Variants in RAB1A observed in about 807,000 individuals in gnomAD.
RAB1A encodes ras-related protein Rab-1A.
RAB1A carries 2 observed loss-of-function variants against 26.0 expected under a neutral mutation model. That is an observed-to-expected ratio of 0.08 (90% CI 0.03 to 0.24). RAB1A has a LOEUF of 0.24. Ranked by LOEUF, RAB1A falls within the 10% of genes least tolerant of loss-of-function variation. The pLI is 1.00. For missense variants in RAB1A, 100 were observed against 247.0 expected, an observed-to-expected ratio of 0.40 and a Z score of 3.99; for synonymous variants, 84 against 84.9, an observed-to-expected ratio of 0.99 and a Z score of 0.06.
At chr2:65,100,293 C>T (rs1045089773) in intron 2 of RAB1A, among the ~76,000 whole-genome samples, 2 of 148,702 alleles carry the variant, frequency 1.3e-5, no homozygotes, top group Non-Finnish European at 3.0e-5. Context: ...CCCAGCTACC[C>T]GGGAGGCTGA....
intron 2 of RAB1A, 104 bp downstream of exon 2, chr2:65,104,630 G>T (rs2103848467): frequency 2.3e-6 from 2 of 870,246 alleles, no homozygotes; most frequent in East Asian, 5.4e-5. Flanking sequence ...AATTCTGGAA[G>T]AATTAACTTA....
At chr2:65,119,841 C>CAAAAAAAAAAA (rs1178958164) in intron 1 of RAB1A, among the ~76,000 whole-genome samples, 3 of 36,418 alleles carry the variant, frequency 8.2e-5, no homozygotes, top group African/African-American at 2.0e-4. Flanking sequence ...CCTGTCTCTA[C>CAAAAAAAAAAA]AAAAAAAAAA....
Position 65,093,145 on chromosome 2 carries a change from C to T in RAB1A, c.193-2067G>A, listed in dbSNP as rs1414107596. Among the ~76,000 whole-genome samples the T allele has an allele frequency of 2.6e-5, 4 of 152,108 alleles. No individual in the cohort carries two copies. The South Asian group carries it at 8.3e-4, about 32-fold the overall frequency. Reference sequence around the variant, plus strand: ...ATGCCTGGCAGAAAGAGTAAAATTTCTGATGTTTCCTTGCTACTCTGAAAA... The same window carrying T: ...ATGCCTGGCAGAAAGAGTAAAATTTTTGATGTTTCCTTGCTACTCTGAAAA... On this transcript the variant is annotated intron_variant, in intron 3 of 5. Transcript: ENST00000409784.
At chr2:65,116,821 T>C (rs1027449976) in intron 1 of RAB1A, among the ~76,000 whole-genome samples, 1 of 152,220 alleles carries the variant, frequency 6.6e-6, no homozygotes, top group Admixed American at 6.5e-5. Context: ...TAGCAATGCA[T>C]AAAACAGTAA....
chr2:65,106,487 G>A, intron 1 of RAB1A: 1 of 238,946 alleles, frequency 4.2e-6, no homozygotes. Flanking sequence ...CTATTACGTA[G>A]GTTTACATAA....
intron 1 of RAB1A, among the ~76,000 whole-genome samples, chr2:65,112,568 G>C (rs1183634862): frequency 1.3e-5 from 2 of 152,186 alleles, no homozygotes; most frequent in South Asian, 2.1e-4. Context: ...TTCTATTAGT[G>C]AAAAATTCTG....
intron 1 of RAB1A, among the ~76,000 whole-genome samples, chr2:65,108,516 C>T (rs1174709225): frequency 1.3e-5 from 2 of 152,012 alleles, no homozygotes; most frequent in South Asian, 2.1e-4. Context: ...TATTTTAACG[C>T]ATTATGGCTG....
At chr2:65,103,299 C>CAAAAAAAAAAAAAAAAAAAAAAA (rs1201745425) in intron 2 of RAB1A, among the ~76,000 whole-genome samples, 27 of 44,108 alleles carry the variant, frequency 6.1e-4, no homozygotes, top group East Asian at 3.5e-3. Flanking sequence ...GAATCTGTCT[C>CAAAAAAAAAAAAAAAAAAAAAAA]AAAAAAAAAA....
intron 1 of RAB1A, chr2:65,105,299 G>GTTCAAGA (rs1669527055): frequency 5.1e-6 from 1 of 197,012 alleles, no homozygotes; most frequent in South Asian, 7.4e-5. Context: ...GAGGTCAGGA[G>GTTCAAGA]TTCAAGACCA....
At chr2:65,095,958 C>T (rs980133399) in intron 3 of RAB1A, among the ~76,000 whole-genome samples, 1 of 152,040 alleles carries the variant, frequency 6.6e-6, no homozygotes, top group African/African-American at 2.4e-5. Context: ...TCGAGACCAG[C>T]CTAACCAACA....
At position 65,114,095 on chromosome 2, in the gene RAB1A, T is replaced by A. The variant is rs1669767790; in HGVS notation, c.24-9289A>T. ...AGGTCAGGTTGTAAACAGACAGCAATGGCATACTCCCAATACAGCCACAAG... is the reference window on the plus strand; with the variant it reads ...AGGTCAGGTTGTAAACAGACAGCAAAGGCATACTCCCAATACAGCCACAAG... On this transcript the variant is annotated intron_variant, in intron 1 of 5. Transcript: ENST00000409784. The A allele has an allele frequency of 6.8e-6, 3 of 440,034 alleles. 1 individual carries two copies. Among genetic ancestry groups the A allele is most frequent in the South Asian group, 5.2e-5 (3 of 57,336 alleles). The allele number at this position is 440,034 out of a possible 1,614,324, so 27.3% of individuals were successfully genotyped here.
At chr2:65,112,935 C>T (rs1016149619) in intron 1 of RAB1A, among the ~76,000 whole-genome samples, 1 of 152,104 alleles carries the variant, frequency 6.6e-6, no homozygotes, top group Non-Finnish European at 1.5e-5. Context: ...GGGCCAGGCA[C>T]GGCAGCTTGT....
At chr2:65,112,236 C>T (rs1243481432) in intron 1 of RAB1A, among the ~76,000 whole-genome samples, 3 of 151,164 alleles carry the variant, frequency 2.0e-5, no homozygotes, top group Non-Finnish European at 4.4e-5. Context: ...ACCTCCACCT[C>T]CCCCGGGTTC....
chr2:65,115,952 T>TC (rs1669814876), intron 1 of RAB1A, among the ~76,000 whole-genome samples: 1 of 152,046 alleles, frequency 6.6e-6, no homozygotes, highest in Non-Finnish European at 1.5e-5. Flanking sequence ...GGCCAAGAGT[T>TC]CAAAACCAGC....
At chr2:65,090,839 A>C in intron 4 of RAB1A, 144 bp downstream of exon 4, 1 of 458,890 alleles carries the variant, frequency 2.2e-6, no homozygotes, top group Non-Finnish European at 3.8e-6. Context: ...TAAGTGATTC[A>C]CATTTATATT....
At chr2:65,108,056 C>CAAAAAA (rs59507384) in intron 1 of RAB1A, among the ~76,000 whole-genome samples, 3 of 127,186 alleles carry the variant, frequency 2.4e-5, no homozygotes, top group African/African-American at 6.2e-5. Flanking sequence ...AGAGGAGTCT[C>CAAAAAA]AAAAAAAAAA....
At chr2:65,089,210 A>G (rs1009150027) in intron 4 of RAB1A, 140 bp from the exon 5 acceptor site, 32 of 823,268 alleles carry the variant, frequency 3.9e-5, no homozygotes, top group Admixed American at 8.9e-5. Context: ...ACTGCTAAGG[A>G]GTGAAGAGAT....
At chr2:65,090,399 CA>C (rs1558575474) in intron 4 of RAB1A, among the ~76,000 whole-genome samples, 1 of 152,050 alleles carries the variant, frequency 6.6e-6, no homozygotes, top group African/African-American at 2.4e-5. Flanking sequence ...AAAATAGTAA[CA>C]AAAAAAGTTA....
intron 2 of RAB1A, 60 bp downstream of exon 2, chr2:65,104,674 G>A: frequency 8.1e-7 from 1 of 1,233,462 alleles, no homozygotes; most frequent in South Asian, 1.3e-5. Context: ...TATCTACCTA[G>A]AAAACATACA....
Sources: gnomAD v4.1 joint callset for allele counts (sites outside exome capture counted in the v4.1 genomes callset) on GRCh38, gnomAD v4.1.1 for gene constraint, MANE v1.5 for transcripts, NCBI Gene and HGNC (gene_info 2026-07-23, HGNC 2026-07-21) for gene names.